Variants in KLF8 observed in about 807,000 individuals in gnomAD.
KLF8 encodes KLF transcription factor 8.
In KLF8, 10 loss-of-function variants were observed where a neutral mutation model predicts 18.2. The observed-to-expected ratio is 0.55, with a 90% CI of 0.34 to 0.93. The LOEUF (loss-of-function observed/expected upper bound fraction) is 0.93, where lower values mean the gene tolerates loss of function less well. KLF8 is among the 40% of genes least tolerant of loss of function. The pLI is 0.02. For missense variants in KLF8, 264 were observed against 277.9 expected (o/e 0.95, Z 0.36); for synonymous variants, 109 against 97.3 (o/e 1.12, Z -0.71).
chrX:56,030,392 G>A, the KLF8 span, among the ~76,000 whole-genome samples: 1 of 111,677 alleles, frequency 9.0e-6, no homozygotes, highest in East Asian at 2.8e-4. Flanking sequence ...TGTTAAAGAG[G>A]TACATGAGTA....
chrX:55,974,803 G>A, the KLF8 span, among the ~76,000 whole-genome samples: 1 of 112,156 alleles, frequency 8.9e-6, no homozygotes, highest in South Asian at 3.7e-4. Context: ...TAGCATTTTT[G>A]TAGAGATTGC....
the KLF8 span, among the ~76,000 whole-genome samples, chrX:56,051,827 T>C: frequency 2.8e-5 from 3 of 107,493 alleles, no homozygotes; most frequent in Non-Finnish European, 5.7e-5. Context: ...CCTTGCTATA[T>C]TGGGGAAGTT....
chrX:55,994,785 G>T, the KLF8 span, among the ~76,000 whole-genome samples: 2 of 111,844 alleles, frequency 1.8e-5, no homozygotes, highest in Non-Finnish European at 3.8e-5. Context: ...TGAGAGTGTA[G>T]TTGGTATGAT....
intron 1 of KLF8, among the ~76,000 whole-genome samples, chrX:56,245,252 T>C (rs1312084529): frequency 8.9e-6 from 1 of 111,919 alleles, no homozygotes; most frequent in Non-Finnish European, 1.9e-5. Flanking sequence ...CTAATGACTC[T>C]GCTTTGCACC....
intron 5 of KLF8, among the ~76,000 whole-genome samples, chrX:56,280,961 T>C (rs1156685113): frequency 9.0e-6 from 1 of 111,647 alleles, no homozygotes; most frequent in Non-Finnish European, 1.9e-5. Flanking sequence ...ACAGCATGGG[T>C]AAATAATTTT....
chrX:56,156,316 C>T, the KLF8 span, among the ~76,000 whole-genome samples: 3 of 110,779 alleles, frequency 2.7e-5, no homozygotes, highest in Admixed American at 2.9e-4. Flanking sequence ...GTTTTCTGTA[C>T]AGATTATTTC....
At chrX:56,067,383 G>T in the KLF8 span, among the ~76,000 whole-genome samples, 1 of 109,813 alleles carries the variant, frequency 9.1e-6, no homozygotes, top group African/African-American at 3.3e-5. Context: ...AACTCAGAAT[G>T]GTTTTGGAAG....
the KLF8 span, among the ~76,000 whole-genome samples, chrX:56,031,638 A>G: frequency 8.9e-6 from 1 of 111,771 alleles, no homozygotes; most frequent in African/African-American, 3.3e-5. Flanking sequence ...GGGATGCTCC[A>G]CAGGGCAGGC....
At chrX:55,922,418 G>A in the KLF8 span, among the ~76,000 whole-genome samples, 1 of 112,316 alleles carries the variant, frequency 8.9e-6, no homozygotes, top group African/African-American at 3.2e-5. Context: ...CAATGAAAAT[G>A]CATGGATACA....
At chrX:56,211,404 C>A in the KLF8 span, among the ~76,000 whole-genome samples, 47 of 112,651 alleles carry the variant, frequency 4.2e-4, no homozygotes, top group African/African-American at 1.3e-3. Flanking sequence ...CTCTTCTGAG[C>A]CATCTAAAGC....
chrX:56,185,351 C>T, the KLF8 span, among the ~76,000 whole-genome samples: 2 of 111,869 alleles, frequency 1.8e-5, no homozygotes, highest in African/African-American at 6.5e-5. Context: ...ATGTGCAAAG[C>T]CTCCAAGAAA....
At chrX:56,080,532 G>T in the KLF8 span, among the ~76,000 whole-genome samples, 16 of 111,389 alleles carry the variant, frequency 1.4e-4, no homozygotes, top group Admixed American at 1.4e-3. Context: ...TTAGTCTGAT[G>T]GGCTTCCCTT....
At chrX:56,010,347 A>G in the KLF8 span, among the ~76,000 whole-genome samples, 1 of 109,793 alleles carries the variant, frequency 9.1e-6, no homozygotes, top group Non-Finnish European at 1.9e-5. Flanking sequence ...CCAAAATTTC[A>G]TATTCAGTCA....
chrX:55,960,496 C>T, the KLF8 span, among the ~76,000 whole-genome samples: 1,250 of 108,255 alleles, frequency 0.012, 21 homozygotes, highest in Admixed American at 0.062. Context: ...GCCTGGGCAA[C>T]AAGAGTGAAA....
the KLF8 span, among the ~76,000 whole-genome samples, chrX:56,138,223 T>C: frequency 9.0e-6 from 1 of 110,662 alleles, no homozygotes; most frequent in Non-Finnish European, 1.9e-5. Context: ...TTGGGCCAGA[T>C]GAAATCACAC....
the KLF8 span, among the ~76,000 whole-genome samples, chrX:56,174,166 C>T: frequency 9.0e-6 from 1 of 111,729 alleles, no homozygotes; most frequent in Non-Finnish European, 1.9e-5. Context: ...GCATCCCTGT[C>T]TTGTGTGAGT....
chrX:56,152,244 C>G, the KLF8 span, among the ~76,000 whole-genome samples: 1 of 111,453 alleles, frequency 9.0e-6, no homozygotes, highest in African/African-American at 3.3e-5. Flanking sequence ...ATCAGATTAT[C>G]TATAGGTAAT....
intron 5 of KLF8, among the ~76,000 whole-genome samples, chrX:56,274,493 T>C (rs182666959): frequency 6.2e-4 from 70 of 112,124 alleles, no homozygotes; most frequent in African/African-American, 2.0e-3. Flanking sequence ...TTTCCTTTGC[T>C]GTGCAGAAGA....
the KLF8 span, among the ~76,000 whole-genome samples, chrX:56,127,748 A>G: frequency 8.9e-6 from 1 of 112,056 alleles, no homozygotes; most frequent in Non-Finnish European, 1.9e-5. Flanking sequence ...ATATCATGTT[A>G]TATACCTTAA....
Sources: allele counts gnomAD v4.1 joint callset (sites outside exome capture counted in the v4.1 genomes callset), GRCh38; gene constraint gnomAD v4.1.1; transcripts MANE v1.5; gene names NCBI Gene and HGNC (gene_info 2026-07-23, HGNC 2026-07-21).